SDR42E1: variants seen among roughly 807,000 people sequenced by gnomAD.
The protein encoded by SDR42E1 is short-chain dehydrogenase/reductase family 42E member 1.
In SDR42E1, 5 loss-of-function variants were observed where a neutral mutation model predicts 2.6. That is an observed-to-expected ratio of 1.94 (90% CI 1.01 to 4.08). The LOEUF (loss-of-function observed/expected upper bound fraction) is 4.08. Among genes scored for constraint, SDR42E1 ranks in the 30% most tolerant of loss-of-function variants. The probability of loss-of-function intolerance (pLI) is 0.00; values close to 1 mark genes in which losing one functional copy is unlikely to be tolerated. For synonymous variants in SDR42E1, 231 were observed against 188.3 expected, an observed-to-expected ratio of 1.23 and a Z score of -1.86; for missense variants, 596 against 478.6, an observed-to-expected ratio of 1.25 and a Z score of -2.29.
rs1274459524 is a variant in SDR42E1 at position 81,995,278 on chromosome 16, G to A, written c.*3833C>T. The A allele has an allele frequency of 1.3e-5, 2 of 152,326 alleles. No homozygotes were observed. Among genetic ancestry groups the A allele is most frequent in the Admixed American group, 6.5e-5 (1 of 15,282 alleles). The allele number at this position is 152,326 out of a possible 1,614,324, so 9.4% of individuals were successfully genotyped here. ...TCTGAGAGCATCCCCAAGTGCACAA[G>A]TGTGAGCATAATTTTATTGTTAGGC... On this transcript the variant is annotated 3_prime_UTR_variant, in exon 3 of 3. Transcript: ENST00000328945.
In SDR42E1 at chr16:81,999,486, C is replaced by A. The variant is rs190046372; in HGVS notation, c.807G>T (p.Leu269=). The change falls in exon 3 of 3, where the codon CTG becomes CTT. Residue 269 remains leucine, a synonymous_variant. Transcript: ENST00000328945. ...GGAATGTGTAGCCCAGGCCCTCAAC[C>A]AGAGGCCGGAAGAACTCAAAGTTGT... The part of the protein sequence containing the change: ...PVNNFEFFRP[L]VEGLGYTFPS... The A allele has an allele frequency of 8.7e-6, 14 of 1,614,164 alleles. No homozygotes were observed. In the East Asian group the frequency reaches 2.9e-4, roughly 33 times the overall value.
chr16:82,002,299 C>T (rs529563296), intron 1 of SDR42E1, among the ~76,000 whole-genome samples: 25 of 152,238 alleles, frequency 1.6e-4, no homozygotes, highest in African/African-American at 4.1e-4. Context: ...GTCTCGCCTC[C>T]GCCCTTAAAT....
At position 81,990,618 on chromosome 16, in the gene SDR42E1, A is replaced by G. The variant is rs1912404795; in HGVS notation, c.*8493T>C. 6.6e-6 allele frequency: 1 copy of G among 152,228 alleles called. No individual in the cohort carries two copies. Among genetic ancestry groups the G allele is most frequent in the Non-Finnish European group, 1.5e-5 (1 of 68,052 alleles). The allele number at this position is 152,228 out of a possible 1,614,324, so 9.4% of individuals were successfully genotyped here. On this transcript the variant is annotated 3_prime_UTR_variant, in exon 3 of 3. Transcript: ENST00000328945. ...AAGGCCTCTGTGCCATTAAATCCAT[A>G]CAAGTTCCCCCAAGAGATAAGCAGG...
chr16:82,007,170 A>T lies in SDR42E1; in HGVS notation c.-27+4217T>A, dbSNP rs971679286. Among the ~76,000 whole-genome samples, 6 of 152,370 alleles carry T rather than the reference A, an allele frequency of 3.9e-5. No individual in the cohort carries two copies. The South Asian group carries it at 1.0e-3, about 26-fold the overall frequency. On this transcript the variant is annotated intron_variant, in intron 1 of 2. Transcript: ENST00000328945. ...TATAGGGACAAGGAATATCTAGCAG[A>T]TTGTAGACCCAGTAAATATAAATGG...
chr16:82,000,991 A>C, intron 1 of SDR42E1, 107 bp from the exon 2 acceptor site: 1 of 678,856 alleles, frequency 1.5e-6, no homozygotes, highest in Non-Finnish European at 2.5e-6. Context: ...GTAGAATGAA[A>C]AGGTGAGGTC....
At chr16:82,006,897 G>C (rs550577208) in intron 1 of SDR42E1, among the ~76,000 whole-genome samples, 1 of 152,232 alleles carries the variant, frequency 6.6e-6, no homozygotes, top group East Asian at 1.9e-4. Flanking sequence ...TAATAGATAT[G>C]GGTATTTATG....
Position 81,998,939 on chromosome 16 carries a change from T to C in SDR42E1, c.*172A>G. On this transcript the variant is annotated 3_prime_UTR_variant, in exon 3 of 3. Coordinates refer to ENST00000328945, the MANE Select transcript of SDR42E1 (RefSeq NM_145168.3). ...CTCTGCTTCTGCTTTTTCATTCCCA[T>C]CTGGATTAGTGCAAGGAAATAAGAC... 1.5e-6 allele frequency: 1 copy of C among 670,688 alleles called. No individual in the cohort carries two copies. The highest frequency in any genetic ancestry group is 2.4e-6 in the Non-Finnish European group (1 of 408,516). The allele number at this position is 670,688 out of a possible 1,614,324, so 41.5% of individuals were successfully genotyped here. A position where few individuals can be genotyped will look rare whatever the true frequency, so the allele number is the denominator to read the frequency against.
At position 82,009,244 on chromosome 16, in the gene SDR42E1, C is replaced by A. The variant is rs118119436; in HGVS notation, c.-27+2143G>T. ...GGGTTGGAACCACCCCACAGCGTCC[C>A]CACTGGGACACTGCCTAGTGGAGCT... On this transcript the variant is annotated intron_variant, in intron 1 of 2. Transcript: ENST00000328945. Among the ~76,000 whole-genome samples the A allele has an allele frequency of 3.2e-3, 481 of 152,332 alleles. 1 individual carries two copies. The highest frequency in any genetic ancestry group is 5.7e-3 in the Non-Finnish European group (386 of 68,024).
rs759012259 is a variant in SDR42E1, at chr16:82,000,303, A to G, written c.69-79T>C. The G allele has an allele frequency of 3.4e-5, 53 of 1,556,124 alleles. No homozygotes were observed. In the Middle Eastern group the frequency reaches 5.0e-4, roughly 15 times the overall value. On this transcript the variant is annotated intron_variant, in intron 2 of 2. Transcript: ENST00000328945. ...GGGAAGTGTATAAAGTAATTTACCAATCAAGGTGGGGCTGATCCAAGTCTT... is the reference window on the plus strand; with the variant it reads ...GGGAAGTGTATAAAGTAATTTACCAGTCAAGGTGGGGCTGATCCAAGTCTT...
Position 82,009,832 on chromosome 16 carries a change from G to A in SDR42E1, c.-27+1555C>T, listed in dbSNP as rs151018485. 2.0e-3 allele frequency among the ~76,000 whole-genome samples: 307 copies of A among 152,316 alleles called. 1 individual carries two copies. The highest frequency in any genetic ancestry group is 7.0e-3 in the African/African-American group (291 of 41,558). On this transcript the variant is annotated intron_variant, in intron 1 of 2. Coordinates refer to ENST00000328945, the MANE Select transcript of SDR42E1 (RefSeq NM_145168.3). ...AGGGGCGGAATGATATGGTTTGGCT[G>A]TGTCTCCACCCAAATCTCACCTTGA...
intron 1 of SDR42E1, among the ~76,000 whole-genome samples, chr16:82,009,454 G>T (rs574385347): frequency 1.4e-4 from 21 of 152,368 alleles, no homozygotes; most frequent in Non-Finnish European, 2.6e-4. Flanking sequence ...TCTTGCATCA[G>T]TATGACCTGG....
At position 81,993,289 on chromosome 16, in the gene SDR42E1, C is replaced by T. The variant is rs955828530; in HGVS notation, c.*5822G>A. 1.3e-5 allele frequency: 2 copies of T among 152,214 alleles called. No individual in the cohort carries two copies. The highest frequency in any genetic ancestry group is 2.9e-5 in the Non-Finnish European group (2 of 68,056). 9.4% of individuals were successfully genotyped at this position (152,214 alleles called of 1,614,324 possible). A position where few individuals can be genotyped will look rare whatever the true frequency, so the allele number is the denominator to read the frequency against. ...TTGCAAGGGAGCCAGTGTTTAGTAT[C>T]TGGCACCAGTGCTCACCTCCTTGTT... On this transcript the variant is annotated 3_prime_UTR_variant, in exon 3 of 3. Transcript: ENST00000328945.
Position 81,990,747 on chromosome 16 carries a change from T to C in SDR42E1, c.*8364A>G, listed in dbSNP as rs1912407287. On this transcript the variant is annotated 3_prime_UTR_variant, in exon 3 of 3. Transcript: ENST00000328945. ...GCATAAGGAAGTGCAAGCAAATGCATGAGTCCCTTGAGCACTGAAGGGCTA... is the reference window on the plus strand; with the variant it reads ...GCATAAGGAAGTGCAAGCAAATGCACGAGTCCCTTGAGCACTGAAGGGCTA... 6.6e-6 allele frequency: 1 copy of C among 152,212 alleles called. No homozygotes were observed. Among genetic ancestry groups the C allele is most frequent in the Non-Finnish European group, 1.5e-5 (1 of 68,046 alleles). The allele number at this position is 152,212 out of a possible 1,614,324, so 9.4% of individuals were successfully genotyped here.
At position 81,996,048 on chromosome 16, in the gene SDR42E1, G is replaced by C. The variant is rs1265333716; in HGVS notation, c.*3063C>G. 1 of 152,178 alleles carries C rather than the reference G, an allele frequency of 6.6e-6. No homozygotes were observed. The highest frequency in any genetic ancestry group is 1.5e-5 in the Non-Finnish European group (1 of 68,100). The allele number at this position is 152,178 out of a possible 1,614,324, so 9.4% of individuals were successfully genotyped here. A position where few individuals can be genotyped will look rare whatever the true frequency, so the allele number is the denominator to read the frequency against. The stretch of plus-strand genomic sequence containing the variant: ...GCTTGGAGCCCAGGAACCTAAAAAA[G>C]GTCAGTGTAATTGGGGCAGAGAAGG... On this transcript the variant is annotated 3_prime_UTR_variant, in exon 3 of 3. Coordinates refer to ENST00000328945, the MANE Select transcript of SDR42E1 (RefSeq NM_145168.3).
intron 1 of SDR42E1, 90 bp from the exon 2 acceptor site, chr16:82,000,974 C>G (rs181024735): frequency 2.3e-4 from 177 of 783,790 alleles, no homozygotes; most frequent in Non-Finnish European, 3.1e-4. Context: ...AAAGTCAATA[C>G]GCTGTAGTAG....
intron 1 of SDR42E1, among the ~76,000 whole-genome samples, chr16:82,006,064 G>T (rs1332334115): frequency 6.6e-6 from 1 of 152,196 alleles, no homozygotes; most frequent in Admixed American, 6.5e-5. Context: ...TCATCCCTAT[G>T]AGTTCAAGAT....
chr16:82,001,569 C>T (rs574815112), intron 1 of SDR42E1, among the ~76,000 whole-genome samples: 32 of 152,040 alleles, frequency 2.1e-4, no homozygotes, highest in African/African-American at 7.5e-4. Context: ...AAAAACAAAA[C>T]TAAATAAGCA....
At chr16:82,008,973 G>C (rs796283146) in intron 1 of SDR42E1, among the ~76,000 whole-genome samples, 6 of 152,324 alleles carry the variant, frequency 3.9e-5, no homozygotes, top group African/African-American at 1.4e-4. Flanking sequence ...AGCTGCTCCA[G>C]CTGTGGCTAA....
At chr16:82,008,167 G>A (rs1913010741) in intron 1 of SDR42E1, among the ~76,000 whole-genome samples, 1 of 152,166 alleles carries the variant, frequency 6.6e-6, no homozygotes, top group African/African-American at 2.4e-5. Flanking sequence ...TTTGCCTTCT[G>A]CCATGATTAT....
Sources: gnomAD v4.1 joint callset for allele counts (sites outside exome capture counted in the v4.1 genomes callset) on GRCh38, gnomAD v4.1.1 for gene constraint, MANE v1.5 for transcripts, NCBI Gene and HGNC (gene_info 2026-07-23, HGNC 2026-07-21) for gene names.